FBXL17: variants seen among roughly 807,000 people sequenced by gnomAD.
The protein encoded by FBXL17 is F-box/LRR-repeat protein 17.
A neutral mutation model predicts 66.2 loss-of-function variants in FBXL17; 22 were observed. The ratio of observed to expected loss-of-function variants is 0.33; its 90% CI spans 0.24 to 0.47. FBXL17 has a LOEUF of 0.47. FBXL17 is among the 20% of genes least tolerant of loss of function. FBXL17 has a pLI of 1.00. For synonymous variants in FBXL17, 474 were observed against 400.5 expected, an observed-to-expected ratio of 1.18 and a Z score of -2.19; for missense variants, 878 against 948.2, an observed-to-expected ratio of 0.93 and a Z score of 0.97.
In FBXL17 at chr5:107,929,540, TGA is replaced by T. The variant is rs77585436; in HGVS notation, c.1823-48363_1823-48362del. On this transcript the variant is annotated intron_variant, in intron 7 of 8. Transcript: ENST00000542267. ...TAATATATGTAATTTATTCTGGTATTGAGAGTTTCTAAAAGCTTCAGGTTTAC... is the reference window on the plus strand; with the variant it reads ...TAATATATGTAATTTATTCTGGTATTGAGTTTCTAAAAGCTTCAGGTTTAC... Among the ~76,000 whole-genome samples, 5 of 152,300 alleles carry T rather than the reference TGA, an allele frequency of 3.3e-5. No homozygotes were observed. The East Asian group carries it at 7.7e-4, about 23-fold the overall frequency.
intron 7 of FBXL17, among the ~76,000 whole-genome samples, chr5:107,923,564 T>G (rs1750395034): frequency 6.6e-6 from 1 of 152,178 alleles, no homozygotes; most frequent in South Asian, 2.1e-4. Context: ...TAGTGCTCCT[T>G]TTCAGAAAAC....
chr5:107,965,903 G>T (rs1402653877), intron 7 of FBXL17, among the ~76,000 whole-genome samples: 1 of 152,024 alleles, frequency 6.6e-6, no homozygotes, highest in Non-Finnish European at 1.5e-5. Context: ...AGCTATTTTG[G>T]TGATATTTTT....
chr5:108,288,285 A>G (rs1757978556), intron 4 of FBXL17, among the ~76,000 whole-genome samples: 1 of 151,958 alleles, frequency 6.6e-6, no homozygotes, highest in African/African-American at 2.4e-5. Context: ...CAACAAAAAA[A>G]GCTGAAGGTA....
rs1748681943 is a variant in FBXL17 at position 108,079,473 on chromosome 5, A to G, written c.1746-58472T>C. On this transcript the variant is annotated intron_variant, in intron 6 of 8. Coordinates refer to ENST00000542267, the MANE Select transcript of FBXL17 (RefSeq NM_001163315.3). Reference sequence around the variant, plus strand: ...ATAATAATGTATTTGAGGTTGTATGATATGATGAAAGACACTGGGTAGAGT... The same window carrying G: ...ATAATAATGTATTTGAGGTTGTATGGTATGATGAAAGACACTGGGTAGAGT... Among the ~76,000 whole-genome samples the G allele has an allele frequency of 3.9e-5, 6 of 152,346 alleles. No individual in the cohort carries two copies. In the South Asian group the frequency reaches 1.2e-3, roughly 32 times the overall value.
chr5:108,174,708 A>AT lies in FBXL17; in HGVS notation c.1745+11408dup, dbSNP rs1034098914. Among the ~76,000 whole-genome samples, 25 of 145,226 alleles carry AT rather than the reference A, an allele frequency of 1.7e-4. No individual in the cohort carries two copies. In the South Asian group the frequency reaches 5.2e-3, roughly 30 times the overall value. ...GAAGAGCTAAAGAAAAACTCATACAATTTTTTTTCTCATATAGCTATACTT... is the reference window on the plus strand; with the variant it reads ...GAAGAGCTAAAGAAAAACTCATACAATTTTTTTTTCTCATATAGCTATACTT... On this transcript the variant is annotated intron_variant, in intron 6 of 8. Coordinates refer to ENST00000542267, the MANE Select transcript of FBXL17 (RefSeq NM_001163315.3).
intron 8 of FBXL17, among the ~76,000 whole-genome samples, chr5:107,874,117 C>T (rs1480089047): frequency 6.6e-6 from 1 of 152,126 alleles, no homozygotes; most frequent in African/African-American, 2.4e-5. Context: ...CTGACTTCTA[C>T]CGGTTCCAGG....
intron 7 of FBXL17, among the ~76,000 whole-genome samples, chr5:108,005,369 T>C (rs1239758859): frequency 6.6e-6 from 1 of 152,174 alleles, no homozygotes; most frequent in Non-Finnish European, 1.5e-5. Context: ...CTACCTCCTC[T>C]GTCTCAATTT....
chr5:108,139,291 A>C (rs1192006489), intron 6 of FBXL17, among the ~76,000 whole-genome samples: 1 of 152,214 alleles, frequency 6.6e-6, no homozygotes, highest in Non-Finnish European at 1.5e-5. Context: ...AGCACCTGAG[A>C]TACAGCATTC....
In FBXL17 at chr5:108,035,889, AT is replaced by A. The variant is rs1203135504; in HGVS notation, c.1746-14889del. Among the ~76,000 whole-genome samples the A allele has an allele frequency of 6.6e-5, 10 of 152,306 alleles. No individual in the cohort carries two copies. In the South Asian group the frequency reaches 2.1e-3, roughly 32 times the overall value. On this transcript the variant is annotated intron_variant, in intron 6 of 8. Transcript: ENST00000542267. ...GAGGCCATGAAGACCTGGGAAAAAA[AT>A]ATGGTTCCTTTTCCCTCTAGTTTTG...
chr5:108,256,107 A>T (rs548852560), intron 4 of FBXL17, among the ~76,000 whole-genome samples: 2 of 152,316 alleles, frequency 1.3e-5, no homozygotes, highest in East Asian at 3.9e-4. Context: ...CCTGGCAGGT[A>T]TTACATAGAA....
chr5:108,054,457 C>T (rs948197183), intron 6 of FBXL17, among the ~76,000 whole-genome samples: 19 of 152,138 alleles, frequency 1.2e-4, no homozygotes, highest in African/African-American at 4.3e-4. Context: ...TTTCCACTGA[C>T]AGCTCTGCAT....
At position 107,865,922 on chromosome 5, in the gene FBXL17, C is replaced by T. The variant is rs149345312; in HGVS notation, c.1966-4062G>A. Among the ~76,000 whole-genome samples, 136 of 152,272 alleles carry T rather than the reference C, an allele frequency of 8.9e-4. 1 individual carries two copies. The highest frequency in any genetic ancestry group is 3.1e-3 in the African/African-American group (127 of 41,552). On this transcript the variant is annotated intron_variant, in intron 8 of 8. Coordinates refer to ENST00000542267, the MANE Select transcript of FBXL17 (RefSeq NM_001163315.3). The stretch of plus-strand genomic sequence containing the variant: ...TGCTTTGGTGCCATAGAGGATTCAG[C>T]GTAAGACACCAGCAGAGCCCAAATC...
At chr5:108,162,079 G>A (rs1752238293) in intron 6 of FBXL17, among the ~76,000 whole-genome samples, 1 of 152,146 alleles carries the variant, frequency 6.6e-6, no homozygotes, top group Non-Finnish European at 1.5e-5. Flanking sequence ...AACTCTATGA[G>A]GCAAATATTG....
At chr5:108,203,318 A>G (rs538540187) in intron 5 of FBXL17, among the ~76,000 whole-genome samples, 22 of 152,212 alleles carry the variant, frequency 1.4e-4, no homozygotes, top group Non-Finnish European at 4.4e-5. Flanking sequence ...AGATTAGGTG[A>G]TTTGTCCTAG....
chr5:107,891,045 A>G (rs1749182363), intron 7 of FBXL17, among the ~76,000 whole-genome samples: 1 of 152,210 alleles, frequency 6.6e-6, no homozygotes, highest in African/African-American at 2.4e-5. Context: ...TTGGAGAAAA[A>G]TAAAGCAGAG....
chr5:107,880,605 A>G (rs1460761252), intron 8 of FBXL17: 2 of 1,086,584 alleles, frequency 1.8e-6, no homozygotes, highest in African/African-American at 3.3e-5. Flanking sequence ...GATGTTCAGT[A>G]CCAAAATTAC....
At chr5:108,079,855 A>C (rs1748697238) in intron 6 of FBXL17, among the ~76,000 whole-genome samples, 1 of 152,368 alleles carries the variant, frequency 6.6e-6, no homozygotes, top group South Asian at 2.1e-4. Flanking sequence ...ATAATTTCTT[A>C]GAAGTTACTC....
intron 6 of FBXL17, among the ~76,000 whole-genome samples, chr5:108,075,736 C>G (rs554624016): frequency 6.6e-6 from 1 of 152,166 alleles, no homozygotes; most frequent in East Asian, 1.9e-4. Context: ...CTCGGCCTCC[C>G]AAAGTGCTGG....
intron 3 of FBXL17, among the ~76,000 whole-genome samples, chr5:108,360,251 CA>C (rs1580887943): frequency 2.0e-5 from 3 of 152,086 alleles, no homozygotes; most frequent in African/African-American, 4.8e-5. Context: ...CTCCCGTTAG[CA>C]TTTCTTGTAG....
Sources: allele counts gnomAD v4.1 joint callset (sites outside exome capture counted in the v4.1 genomes callset), GRCh38; gene constraint gnomAD v4.1.1; transcripts MANE v1.5; gene names NCBI Gene and HGNC (gene_info 2026-07-23, HGNC 2026-07-21).